UBR1: variants seen among roughly 807,000 people sequenced by gnomAD.
The protein encoded by UBR1 is E3 ubiquitin-protein ligase UBR1.
In UBR1, 102 loss-of-function variants were observed where a neutral mutation model predicts 242.1. That is an observed-to-expected ratio of 0.42 (90% CI 0.36 to 0.50). UBR1 has a LOEUF of 0.50. Among genes scored for constraint, UBR1 ranks in the 20% least tolerant of loss-of-function variants. The probability of loss-of-function intolerance (pLI) is 0.01; values close to 1 mark genes in which losing one functional copy is unlikely to be tolerated. For synonymous variants in UBR1, 675 were observed against 684.8 expected (o/e 0.99, Z 0.22); for missense variants, 1,772 against 2,101.8 (o/e 0.84, Z 3.07).
rs543670491 is a variant in UBR1 at position 43,059,844 on chromosome 15, A to G, written c.862-19T>C. On this transcript the variant is annotated intron_variant, in intron 7 of 46. Coordinates refer to ENST00000290650, the MANE Select transcript of UBR1 (RefSeq NM_174916.3). ...AATGACTCTACAAATGAAGGGAACGAACCAAAAAAATAGCATTTAAAATTT... is the reference window on the plus strand; with the variant it reads ...AATGACTCTACAAATGAAGGGAACGGACCAAAAAAATAGCATTTAAAATTT... The G allele has an allele frequency of 8.1e-6, 13 of 1,613,542 alleles. No homozygotes were observed. In the African/African-American group the frequency reaches 1.7e-4, roughly 22 times the overall value.
At chr15:43,094,517 CTTTTTT>C (rs550892392) in intron 1 of UBR1, among the ~76,000 whole-genome samples, 1,974 of 150,698 alleles carry the variant, frequency 0.013, 43 homozygotes, top group African/African-American at 0.044. Flanking sequence ...ATTTCTTTTT[CTTTTTT>C]ATTTTCTTTT....
intron 6 of UBR1, among the ~76,000 whole-genome samples, chr15:43,063,261 G>A (rs1158120279): frequency 2.0e-5 from 3 of 152,296 alleles, no homozygotes; most frequent in Middle Eastern, 3.4e-3. Context: ...TAAAGGCTAA[G>A]AAGAGATAGG....
At chr15:43,083,695 T>G (rs1010557384) in intron 2 of UBR1, among the ~76,000 whole-genome samples, 1 of 152,076 alleles carries the variant, frequency 6.6e-6, no homozygotes, top group East Asian at 1.9e-4. Flanking sequence ...ATTAATTTTT[T>G]AAATATCTTA....
At chr15:43,036,775 T>C (rs979619979) in intron 17 of UBR1, among the ~76,000 whole-genome samples, 182 bp from the exon 18 acceptor site, 5 of 152,180 alleles carry the variant, frequency 3.3e-5, no homozygotes, top group African/African-American at 4.8e-5. Flanking sequence ...TGAAGAAATA[T>C]GGCATGAAAT....
intron 23 of UBR1, chr15:43,026,338 T>C: frequency 2.2e-6 from 1 of 461,808 alleles, no homozygotes. Flanking sequence ...TTGAATCCTC[T>C]TCCCAAAACA....
chr15:42,971,985 C>A (rs1477204482), intron 39 of UBR1, among the ~76,000 whole-genome samples: 1 of 152,140 alleles, frequency 6.6e-6, no homozygotes, highest in Non-Finnish European at 1.5e-5. Flanking sequence ...CAGTGTTGTA[C>A]GCTTGTTATA....
chr15:43,085,023 G>A (rs2034017720), intron 2 of UBR1, among the ~76,000 whole-genome samples: 2 of 152,286 alleles, frequency 1.3e-5, no homozygotes, highest in South Asian at 4.1e-4. Context: ...AGAATAAAAA[G>A]CCTAAAGTTG....
intron 19 of UBR1, among the ~76,000 whole-genome samples, chr15:43,035,865 T>C (rs1158118716): frequency 7.0e-6 from 1 of 142,354 alleles, no homozygotes; most frequent in African/African-American, 2.6e-5. Flanking sequence ...CACTCATAGG[T>C]GGGAATTGAA....
In UBR1 at chr15:43,061,546, CATACAT is replaced by C. The variant is rs2033685992; in HGVS notation, c.799-1438_799-1433del. Among the ~76,000 whole-genome samples the C allele has an allele frequency of 2.0e-5, 3 of 150,268 alleles. No individual in the cohort carries two copies. In the South Asian group the frequency reaches 6.2e-4, roughly 31 times the overall value. ...ACACACACACACATATACACATACA[CATACAT>C]ACACACACATATGTATATATACACA... On this transcript the variant is annotated intron_variant, in intron 6 of 46. Coordinates refer to ENST00000290650, the MANE Select transcript of UBR1 (RefSeq NM_174916.3).
At chr15:43,078,915 C>A (rs1165215919) in intron 3 of UBR1, among the ~76,000 whole-genome samples, 1 of 151,170 alleles carries the variant, frequency 6.6e-6, no homozygotes, top group Non-Finnish European at 1.5e-5. Context: ...CTTAATTGAA[C>A]TCAGGAAAAA....
chr15:43,064,263 T>G (rs943714974), intron 6 of UBR1, among the ~76,000 whole-genome samples: 1 of 152,190 alleles, frequency 6.6e-6, no homozygotes, highest in Non-Finnish European at 1.5e-5. Context: ...CATAGGACAG[T>G]TGAAGAAAAC....
intron 44 of UBR1, among the ~76,000 whole-genome samples, chr15:42,957,746 C>T (rs577142359): frequency 4.2e-4 from 64 of 152,046 alleles, no homozygotes; most frequent in African/African-American, 1.5e-3. Flanking sequence ...CATGGTGGCG[C>T]CTGCCTGTAG....
chr15:43,023,020 C>T (rs578129755), intron 25 of UBR1, among the ~76,000 whole-genome samples: 111 of 151,854 alleles, frequency 7.3e-4, no homozygotes, highest in Non-Finnish European at 1.1e-3. Flanking sequence ...CACACGACCA[C>T]GCCCAGCTAA....
chr15:43,036,461 C>G, intron 18 of UBR1, 67 bp downstream of exon 18: 2 of 1,320,846 alleles, frequency 1.5e-6, no homozygotes, highest in Non-Finnish European at 2.2e-6. Context: ...ACATTATCTT[C>G]TCTCCTTAGA....
At chr15:43,068,339 TCAC>T (rs1207512127) in intron 5 of UBR1, among the ~76,000 whole-genome samples, 1 of 151,568 alleles carries the variant, frequency 6.6e-6, no homozygotes, top group Non-Finnish European at 1.5e-5. Flanking sequence ...CAGGCACGTG[TCAC>T]CACACCCCAG....
chr15:43,006,275 TA>T (rs1430914803), intron 30 of UBR1, among the ~76,000 whole-genome samples: 2 of 152,156 alleles, frequency 1.3e-5, no homozygotes, highest in East Asian at 3.9e-4. Context: ...TTGTGAGGAT[TA>T]AGTAAGTAAA....
chr15:43,083,654 T>C (rs780472101), intron 2 of UBR1, among the ~76,000 whole-genome samples: 1 of 151,710 alleles, frequency 6.6e-6, no homozygotes, highest in African/African-American at 2.4e-5. Flanking sequence ...AGTGCTGGGA[T>C]TACAGGCGTG....
At chr15:43,086,516 G>A (rs1244450508) in intron 1 of UBR1, among the ~76,000 whole-genome samples, 2 of 151,530 alleles carry the variant, frequency 1.3e-5, no homozygotes, top group Non-Finnish European at 2.9e-5. Context: ...CCTGCTATGT[G>A]AAGGTGGTTC....
intron 1 of UBR1, among the ~76,000 whole-genome samples, chr15:43,091,331 T>C (rs2141365282): frequency 6.6e-6 from 1 of 152,278 alleles, no homozygotes; most frequent in East Asian, 1.9e-4. Context: ...ACCAAGACAC[T>C]CAAAGGAAAT....
Sources: gnomAD v4.1 joint callset for allele counts (sites outside exome capture counted in the v4.1 genomes callset) on GRCh38, gnomAD v4.1.1 for gene constraint, MANE v1.5 for transcripts, NCBI Gene and HGNC (gene_info 2026-07-23, HGNC 2026-07-21) for gene names.